Variants in PXDNL observed in about 807,000 individuals in gnomAD.
PXDNL encodes peroxidasin like, also known as probable oxidoreductase PXDNL.
A neutral mutation model predicts 150.8 loss-of-function variants in PXDNL; 145 were observed. The ratio of observed to expected loss-of-function variants is 0.96; its 90% CI spans 0.84 to 1.10. The LOEUF is 1.10. Among genes scored for constraint, PXDNL ranks in the 50% least tolerant of loss-of-function variants. The pLI, the probability that PXDNL is intolerant of heterozygous loss-of-function variation, is 0.00. For synonymous variants in PXDNL, 757 were observed against 725.7 expected (o/e 1.04, Z -0.69); for missense variants, 2,087 against 1,873.9 (o/e 1.11, Z -2.10).
chr8:51,458,320 A>G (rs972211080), intron 8 of PXDNL, among the ~76,000 whole-genome samples: 3 of 152,212 alleles, frequency 2.0e-5, no homozygotes, highest in East Asian at 1.9e-4. Context: ...ATCAATAATC[A>G]TAAGAAAGGG....
chr8:51,756,908 C>G (rs2037108051), intron 1 of PXDNL, among the ~76,000 whole-genome samples: 1 of 152,022 alleles, frequency 6.6e-6, no homozygotes, highest in African/African-American at 2.4e-5. Context: ...TAGTCAGTGT[C>G]AAAAGAAGCA....
intron 4 of PXDNL, among the ~76,000 whole-genome samples, chr8:51,538,286 G>A (rs116047896): frequency 0.019 from 2,838 of 152,172 alleles, 37 homozygotes; most frequent in African/African-American, 0.035. Context: ...AATTCTACCA[G>A]AAAATAACAC....
intron 1 of PXDNL, among the ~76,000 whole-genome samples, chr8:51,780,248 G>A (rs913054140): frequency 6.6e-6 from 1 of 152,056 alleles, no homozygotes; most frequent in Non-Finnish European, 1.5e-5. Context: ...GCCCTCCTAG[G>A]ACCTGCTGAT....
chr8:51,554,030 A>G (rs1439039766), intron 4 of PXDNL, among the ~76,000 whole-genome samples: 3 of 152,172 alleles, frequency 2.0e-5, no homozygotes, highest in Non-Finnish European at 4.4e-5. Flanking sequence ...TGGACTATTT[A>G]CCATTCTGTG....
chr8:51,555,036 A>G (rs571389865), intron 4 of PXDNL, among the ~76,000 whole-genome samples: 243 of 152,276 alleles, frequency 1.6e-3, no homozygotes, highest in African/African-American at 5.2e-3. Flanking sequence ...TTTGATACCA[A>G]TTCTCTTTCT....
rs1810436890 is a variant in PXDNL, at chr8:51,474,915, A to C, written c.694+57T>G. On this transcript the variant is annotated intron_variant, in intron 7 of 22. Coordinates refer to ENST00000356297, the MANE Select transcript of PXDNL (RefSeq NM_144651.5). ...GCAATATTATATAATAAACCTTTAC[A>C]AAAAGAGAGCAAATGAGAGACAGTT... 2.5e-5 allele frequency: 35 copies of C among 1,398,034 alleles called. 1 individual carries two copies. The South Asian group carries it at 4.8e-4, about 19-fold the overall frequency. The allele number at this position is 1,398,034 out of a possible 1,614,324, so 86.6% of individuals were successfully genotyped here. A position where few individuals can be genotyped will look rare whatever the true frequency, so the allele number is the denominator to read the frequency against.
intron 1 of PXDNL, among the ~76,000 whole-genome samples, chr8:51,675,523 A>T (rs13279413): frequency 6.6e-6 from 1 of 151,866 alleles, no homozygotes; most frequent in Non-Finnish European, 1.5e-5. Flanking sequence ...GGCCAGATGC[A>T]GTGGCTCACA....
chr8:51,667,471 ACTT>A (rs1213807548), intron 1 of PXDNL, among the ~76,000 whole-genome samples: 2 of 152,326 alleles, frequency 1.3e-5, no homozygotes, highest in Admixed American at 6.5e-5. Flanking sequence ...TTTATCTACT[ACTT>A]ACGCAAAAAT....
At chr8:51,700,188 CACACACA>C (rs1816223255) in intron 1 of PXDNL, among the ~76,000 whole-genome samples, 1 of 151,366 alleles carries the variant, frequency 6.6e-6, no homozygotes, top group African/African-American at 2.4e-5. Flanking sequence ...CACACACACA[CACACACA>C]CCATCACACA....
chr8:51,644,401 T>C (rs866762916), intron 2 of PXDNL, among the ~76,000 whole-genome samples: 188 of 48,282 alleles, frequency 3.9e-3, no homozygotes, highest in African/African-American at 0.014. Context: ...TGTATATATA[T>C]ACACATGTGT....
At chr8:51,337,770 A>G (rs1805871859) in intron 21 of PXDNL, among the ~76,000 whole-genome samples, 2 of 151,648 alleles carry the variant, frequency 1.3e-5, no homozygotes, top group South Asian at 4.2e-4. Context: ...CCCCAGCTAC[A>G]CGGGAGGCTG....
chr8:51,443,507 G>C (rs1586111036), intron 12 of PXDNL, among the ~76,000 whole-genome samples: 1 of 152,104 alleles, frequency 6.6e-6, no homozygotes, highest in East Asian at 1.9e-4. Context: ...CAAGCACTAA[G>C]AGCTTTTATT....
chr8:51,510,235 C>A (rs544607151), intron 4 of PXDNL, among the ~76,000 whole-genome samples: 1 of 152,066 alleles, frequency 6.6e-6, no homozygotes, highest in Non-Finnish European at 1.5e-5. Flanking sequence ...ATTGCTAGAC[C>A]ATGGTCAAGT....
At chr8:51,594,952 T>C (rs1032245224) in intron 2 of PXDNL, among the ~76,000 whole-genome samples, 4 of 152,076 alleles carry the variant, frequency 2.6e-5, no homozygotes, top group African/African-American at 7.2e-5. Flanking sequence ...ATAGGGAAAT[T>C]TGTGGCTGTA....
Position 51,489,012 on chromosome 8 carries a change from G to A in PXDNL, c.453-5298C>T, listed in dbSNP as rs34158954. ...AAAGATCTCTTAGGAATTAAACTCT[G>A]ATTAAAAAATGTTTTTATGTAGTAA... On this transcript the variant is annotated intron_variant, in intron 5 of 22. Transcript: ENST00000356297. Among the ~76,000 whole-genome samples, 941 of 152,234 alleles carry A rather than the reference G, an allele frequency of 6.2e-3. 5 individuals are homozygous for A. The highest frequency in any genetic ancestry group is 9.1e-3 in the Non-Finnish European group (616 of 68,018).
intron 1 of PXDNL, among the ~76,000 whole-genome samples, chr8:51,759,732 C>G (rs1044266150): frequency 6.6e-6 from 1 of 152,220 alleles, no homozygotes; most frequent in Non-Finnish European, 1.5e-5. Context: ...CTTGACTGAA[C>G]GTCAAAGGAG....
In PXDNL at chr8:51,440,240, G is replaced by T. The variant is rs1334119639; in HGVS notation, c.1525+6764C>A. 2.6e-5 allele frequency among the ~76,000 whole-genome samples: 4 copies of T among 152,166 alleles called. No individual in the cohort carries two copies. The East Asian group carries it at 5.8e-4, about 22-fold the overall frequency. ...GGGAGCCAAGCTATGAGGATGAAAA[G>T]AGATAATAATGATACAATGGACTTT... On this transcript the variant is annotated intron_variant, in intron 12 of 22. Coordinates refer to ENST00000356297, the MANE Select transcript of PXDNL (RefSeq NM_144651.5).
chr8:51,408,902 G>A lies in PXDNL; in HGVS notation c.2722C>T (p.Gln908Ter), dbSNP rs1001953342. 3 of 1,608,580 alleles carry A rather than the reference G, an allele frequency of 1.9e-6. No homozygotes were observed. Among genetic ancestry groups the A allele is most frequent in the Non-Finnish European group, 1.7e-6 (2 of 1,177,798 alleles). The change falls in exon 17 of 23, where the codon CAG (glutamine) becomes TAG (stop). Residue 908 changes from glutamine to a stop codon, truncating the protein, a stop_gained. Transcript: ENST00000356297. LOFTEE classifies it high-confidence loss of function. ...GGCACCGAAGGGTCTCTGAGAGCCT[G>A]GGATTCCCGCTCCGAGCTCCCGTAA... Reference protein sequence around the residue: ...NVYGSSERESQALRDPSVPRG... With the variant: ...NVYGSSERES
At chr8:51,477,646 G>A (rs1442316956) in intron 6 of PXDNL, among the ~76,000 whole-genome samples, 1 of 152,152 alleles carries the variant, frequency 6.6e-6, no homozygotes, top group Non-Finnish European at 1.5e-5. Context: ...AAATATAAAG[G>A]AGTAAGTTCT....
Sources: allele counts gnomAD v4.1 joint callset (sites outside exome capture counted in the v4.1 genomes callset), GRCh38; gene constraint gnomAD v4.1.1; transcripts MANE v1.5; gene names NCBI Gene and HGNC (gene_info 2026-07-23, HGNC 2026-07-21).